UTP15: variants seen among roughly 807,000 people sequenced by gnomAD.
The protein encoded by UTP15 is U3 small nucleolar RNA-associated protein 15 homolog.
In UTP15, 5 loss-of-function variants were observed where a neutral mutation model predicts 59.1. The ratio of observed to expected loss-of-function variants is 0.08; its 90% CI spans 0.04 to 0.18. The LOEUF is 0.18. Among genes scored for constraint, UTP15 ranks in the 10% least tolerant of loss-of-function variants. UTP15 has a pLI of 1.00. For missense variants in UTP15, 494 were observed against 616.7 expected (o/e 0.80, Z 2.11); for synonymous variants, 211 against 212.2 (o/e 0.99, Z 0.05).
At chr5:73,572,868 G>T (rs1747980908) in intron 7 of UTP15, among the ~76,000 whole-genome samples, 1 of 152,024 alleles carries the variant, frequency 6.6e-6, no homozygotes, top group Non-Finnish European at 1.5e-5. Context: ...TGCAATCTCG[G>T]CTCGCTGCAA....
At position 73,579,039 on chromosome 5, in the gene UTP15, C is replaced by T. The variant is rs1469839391; in HGVS notation, c.1169C>T (p.Pro390Leu). ...VLDPTCTIKT[P>L]EITVSIIKEL... ...TAGCCCACTTGTACAATAAAGACACCCGAGATTACGGTGTCCATCATAAAG... is the reference window on the plus strand; with the variant it reads ...TAGCCCACTTGTACAATAAAGACACTCGAGATTACGGTGTCCATCATAAAG... Residue 390 changes from proline to leucine, a missense_variant, in exon 11 of 13, where the codon CCC becomes CTC. Transcript: ENST00000296792. The T allele has an allele frequency of 6.2e-7, 1 of 1,612,646 alleles. No homozygotes were observed. The highest frequency in any genetic ancestry group is 8.5e-7 in the Non-Finnish European group (1 of 1,179,110).
At chr5:73,567,634 A>G (rs1747817036) in intron 2 of UTP15, 200 bp downstream of exon 2, 1 of 402,792 alleles carries the variant, frequency 2.5e-6, no homozygotes, top group Non-Finnish European at 4.5e-6. Context: ...CAGATTAACC[A>G]TACAAATGCC....
rs773101524 is a variant in UTP15, at chr5:73,577,844, A to G, written c.895-12A>G. The G allele has an allele frequency of 7.0e-6, 11 of 1,571,052 alleles. No individual in the cohort carries two copies. The South Asian group carries it at 1.2e-4, about 17-fold the overall frequency. ...TAAGAATAGACTAACTTATTTTTCTAATTGTTATTAGCATGAAGATGAGAC... is the reference window on the plus strand; with the variant it reads ...TAAGAATAGACTAACTTATTTTTCTGATTGTTATTAGCATGAAGATGAGAC... On this transcript the variant is annotated splice_polypyrimidine_tract_variant and intron_variant, in intron 8 of 12. Transcript: ENST00000296792.
chr5:73,578,904 C>CCTGCAT (rs1748210411), intron 10 of UTP15, 52 bp downstream of exon 10: 1 of 1,598,458 alleles, frequency 6.3e-7, no homozygotes, highest in Admixed American at 1.7e-5. Context: ...TGCATATTAC[C>CCTGCAT]ATGACTTGGA....
At chr5:73,572,742 A>G (rs1561277296) in intron 7 of UTP15, 118 bp downstream of exon 7, 1 of 1,039,220 alleles carries the variant, frequency 9.6e-7, no homozygotes, top group Non-Finnish European at 1.3e-6. Flanking sequence ...TCCAGGAGAA[A>G]AAAACCTGTT....
rs1748305084 is a variant in UTP15, at chr5:73,581,450, C to G, written c.*1356C>G. On this transcript the variant is annotated 3_prime_UTR_variant, in exon 13 of 13. Transcript: ENST00000296792. ...TCATTGGCTAGTAACTCCTAGTACA[C>G]TGGTTTCACAGTTGCTACCTCTCCT... 1 of 152,158 alleles carries G rather than the reference C, an allele frequency of 6.6e-6. No homozygotes were observed. Among genetic ancestry groups the G allele is most frequent in the African/African-American group, 2.4e-5 (1 of 41,438 alleles). 9.4% of individuals were successfully genotyped at this position (152,158 alleles called of 1,614,324 possible).
intron 7 of UTP15, among the ~76,000 whole-genome samples, chr5:73,574,295 C>T (rs990309641): frequency 2.0e-5 from 3 of 151,768 alleles, no homozygotes; most frequent in Non-Finnish European, 4.4e-5. Flanking sequence ...GTACTCTATC[C>T]TGGGTTACAG....
chr5:73,568,741 C>G, intron 4 of UTP15, 137 bp downstream of exon 4: 1 of 772,194 alleles, frequency 1.3e-6, no homozygotes, highest in South Asian at 2.6e-5. Context: ...CCTGATTGTT[C>G]TAAGAGTGCT....
rs1182100735 is a variant in UTP15 at position 73,565,837 on chromosome 5, G to C, written c.-159G>C. On this transcript the variant is annotated 5_prime_UTR_variant, in exon 1 of 13. Coordinates refer to ENST00000296792, the MANE Select transcript of UTP15 (RefSeq NM_032175.4). The stretch of plus-strand genomic sequence containing the variant: ...ACGCCAGTGCTGCTGAACTGTGCAG[G>C]GTAGGGAGCTGGCACAGTCCGATTA... 2.2e-6 allele frequency: 1 copy of C among 456,330 alleles called. No homozygotes were observed. The highest frequency in any genetic ancestry group is 4.4e-6 in the Non-Finnish European group (1 of 226,974). The allele number at this position is 456,330 out of a possible 1,614,324, so 28.3% of individuals were successfully genotyped here.
At position 73,580,598 on chromosome 5, in the gene UTP15, T is replaced by A. The variant is rs1334764986; in HGVS notation, c.*504T>A. 9.8e-5 allele frequency: 15 copies of A among 152,936 alleles called. No individual in the cohort carries two copies. Among genetic ancestry groups the A allele is most frequent in the Admixed American group, 9.8e-4 (15 of 15,308 alleles). 9.5% of individuals were successfully genotyped at this position (152,936 alleles called of 1,614,324 possible). On this transcript the variant is annotated 3_prime_UTR_variant, in exon 13 of 13. Coordinates refer to ENST00000296792, the MANE Select transcript of UTP15 (RefSeq NM_032175.4). ...TAGCTTGCTTCCTGTCTCCTTGATA[T>A]CTACACTTGTCTTAGATCACATGCC... is the stretch of plus-strand genomic sequence containing the variant.
intron 12 of UTP15, among the ~76,000 whole-genome samples, chr5:73,579,577 T>C (rs1038998490): frequency 6.6e-6 from 1 of 152,148 alleles, no homozygotes; most frequent in Non-Finnish European, 1.5e-5. Context: ...TTGATGGGAC[T>C]AGGGTTATTA....
At chr5:73,568,685 T>TA (rs1747852088) in intron 4 of UTP15, 81 bp downstream of exon 4, 3 of 1,341,336 alleles carry the variant, frequency 2.2e-6, no homozygotes, top group Non-Finnish European at 3.0e-6. Context: ...GTTAAAAAGA[T>TA]AGAGATCAGT....
chr5:73,570,508 T>C, intron 5 of UTP15, 78 bp from the exon 6 acceptor site: 1 of 1,463,806 alleles, frequency 6.8e-7, no homozygotes, highest in Non-Finnish European at 9.3e-7. Context: ...TTTTTTCCTT[T>C]TAAAATTTAT....
Position 73,580,986 on chromosome 5 carries a change from A to G in UTP15, c.*892A>G, listed in dbSNP as rs1466453449. ...AATCATATTGTATTTCGGAACCCCAATGCAGAGCAGTTTGCTTTGAAAAAT... is the reference window on the plus strand; with the variant it reads ...AATCATATTGTATTTCGGAACCCCAGTGCAGAGCAGTTTGCTTTGAAAAAT... On this transcript the variant is annotated 3_prime_UTR_variant, in exon 13 of 13. Transcript: ENST00000296792. The G allele has an allele frequency of 6.6e-6, 1 of 152,090 alleles. No individual in the cohort carries two copies. The highest frequency in any genetic ancestry group is 1.5e-5 in the Non-Finnish European group (1 of 68,018). 9.4% of individuals were successfully genotyped at this position (152,090 alleles called of 1,614,324 possible). A position where few individuals can be genotyped will look rare whatever the true frequency, so the allele number is the denominator to read the frequency against.
At chr5:73,567,241 A>G (rs1447741637) in intron 1 of UTP15, 21 bp from the exon 2 acceptor site, 1 of 645,374 alleles carries the variant, frequency 1.5e-6, no homozygotes, top group East Asian at 3.1e-5. Flanking sequence ...TAATATGTAT[A>G]TAAAATATTT....
In UTP15 at chr5:73,582,824, T is replaced by C. The variant is rs528882918; in HGVS notation, c.*2730T>C. The C allele has an allele frequency of 1.8e-4, 28 of 152,238 alleles. No homozygotes were observed. Among genetic ancestry groups the C allele is most frequent in the Non-Finnish European group, 3.4e-4 (23 of 68,040 alleles). 9.4% of individuals were successfully genotyped at this position (152,238 alleles called of 1,614,324 possible). On this transcript the variant is annotated 3_prime_UTR_variant, in exon 13 of 13. Coordinates refer to ENST00000296792, the MANE Select transcript of UTP15 (RefSeq NM_032175.4). ...AATGCTTAACAGACTTTTAGACTTA[T>C]GAGTTTCAGTTGAAAGGTATTTTAA...
rs571602024 is a variant in UTP15 at position 73,580,298 on chromosome 5, A to G, written c.*204A>G. 2.2e-5 allele frequency: 10 copies of G among 456,158 alleles called. No homozygotes were observed. Among genetic ancestry groups the G allele is most frequent in the East Asian group, 4.0e-5 (1 of 25,080 alleles). The allele number at this position is 456,158 out of a possible 1,614,324, so 28.3% of individuals were successfully genotyped here. ...TCCATGTAATATTTTGAATTATAGC[A>G]TCTTCACCTAGAAGATCTCAATTGT... is the stretch of plus-strand genomic sequence containing the variant. On this transcript the variant is annotated 3_prime_UTR_variant, in exon 13 of 13. Transcript: ENST00000296792.
rs899995578 is a variant in UTP15, at chr5:73,580,378, T to A, written c.*284T>A. ...GGATATTAATTTTAATACAGGAGTG[T>A]TCTGTATCAACATTTGGGTTGGTAT... On this transcript the variant is annotated 3_prime_UTR_variant, in exon 13 of 13. Transcript: ENST00000296792. 2 of 249,500 alleles carry A rather than the reference T, an allele frequency of 8.0e-6. No individual in the cohort carries two copies. The highest frequency in any genetic ancestry group is 4.6e-5 in the African/African-American group (2 of 43,920). The allele number at this position is 249,500 out of a possible 1,614,324, so 15.5% of individuals were successfully genotyped here. A position where few individuals can be genotyped will look rare whatever the true frequency, so the allele number is the denominator to read the frequency against.
chr5:73,575,566 T>A (rs976029254), intron 7 of UTP15, among the ~76,000 whole-genome samples: 2 of 151,466 alleles, frequency 1.3e-5, no homozygotes, highest in Non-Finnish European at 2.9e-5. Flanking sequence ...TTTTTTTTTT[T>A]AATTTATTTT....
Sources: gnomAD v4.1 joint callset for allele counts (sites outside exome capture counted in the v4.1 genomes callset) on GRCh38, gnomAD v4.1.1 for gene constraint, MANE v1.5 for transcripts, NCBI Gene and HGNC (gene_info 2026-07-23, HGNC 2026-07-21) for gene names.